NBPF20: variants seen among roughly 807,000 people sequenced by gnomAD.
The protein encoded by NBPF20 is NBPF member 20, also known as NBPF family member NBPF20.
A neutral mutation model predicts 68.1 loss-of-function variants in NBPF20; 90 were observed. That is an observed-to-expected ratio of 1.32 (90% CI 1.11 to 1.58). The LOEUF (loss-of-function observed/expected upper bound fraction) is 1.58. Ranked by LOEUF, NBPF20 falls within the 40% of genes most tolerant of loss-of-function variation. NBPF20 has a pLI of 0.00. For synonymous variants in NBPF20, 290 were observed against 228.1 expected (o/e 1.27, Z -2.45); for missense variants, 816 against 601.2 (o/e 1.36, Z -3.74).
chr1:145,394,613 A>C (rs1234321200), intron 8 of NBPF20, among the ~76,000 whole-genome samples: 4 of 152,062 alleles, frequency 2.6e-5, no homozygotes, highest in African/African-American at 9.7e-5. Flanking sequence ...AACAAAACTC[A>C]TAAGGAATTT....
intron 8 of NBPF20, among the ~76,000 whole-genome samples, chr1:145,394,597 T>G (rs1662123523): frequency 1.3e-5 from 2 of 151,932 alleles, no homozygotes; most frequent in African/African-American, 4.8e-5. Flanking sequence ...ACAGACATGC[T>G]TTGGGAACAA....
chr1:145,393,407 G>A (rs1286834733), intron 9 of NBPF20, among the ~76,000 whole-genome samples, 161 bp from the exon 15 acceptor site: 2 of 151,686 alleles, frequency 1.3e-5, no homozygotes, highest in South Asian at 2.1e-4. Flanking sequence ...ATAGACTAGG[G>A]CCAGGTAGAA....
At chr1:145,411,017 T>C in the NBPF20 span, among the ~76,000 whole-genome samples, 1 of 147,248 alleles carries the variant, frequency 6.8e-6, no homozygotes, top group Non-Finnish European at 1.5e-5. Context: ...TATTCCATTT[T>C]TTTTTCAACA....
At chr1:145,393,956 G>T (rs1448033999) in intron 8 of NBPF20, 21 bp from the exon 14 acceptor site, 1 of 1,253,504 alleles carries the variant, frequency 8.0e-7, no homozygotes, top group African/African-American at 1.5e-5. Context: ...ATTCAGATGG[G>T]CCCTCTTACA....
intron 137 of NBPF20, among the ~76,000 whole-genome samples, 195 bp downstream of exon 142, chr1:145,292,186 T>C (rs1406700576): frequency 2.7e-5 from 4 of 149,938 alleles, no homozygotes; most frequent in South Asian, 2.1e-4. Flanking sequence ...GGTCAACCTA[T>C]GGCACGTTAG....
chr1:145,417,611 C>A, the NBPF20 span, among the ~76,000 whole-genome samples: 9 of 85,494 alleles, frequency 1.1e-4, no homozygotes, highest in Non-Finnish European at 1.5e-4. Flanking sequence ...GAGAACTAAA[C>A]AACACAAAGC....
At position 145,397,587 on chromosome 1, in the gene NBPF20, G is replaced by C. The variant is rs1176786945; in HGVS notation, c.827+1462C>G. Among the ~76,000 whole-genome samples, 43 of 152,142 alleles carry C rather than the reference G, an allele frequency of 2.8e-4. 1 individual carries two copies. In the South Asian group the frequency reaches 4.8e-3, roughly 17 times the overall value. The stretch of plus-strand genomic sequence containing the variant: ...CTTACAAGAGCTCCTAAAGGAAGCA[G>C]TAAACATGGAAAGGAACAACCGGTA... On this transcript the variant is annotated intron_variant, in intron 7 of 137. Coordinates refer to ENST00000369373, the Ensembl canonical transcript of NBPF20.
At chr1:145,404,110 C>A in intron 2 of NBPF20, among the ~76,000 whole-genome samples, 1 of 139,950 alleles carries the variant, frequency 7.1e-6, no homozygotes, top group Non-Finnish European at 1.5e-5. Context: ...GCTGAGGGTC[C>A]CTGCTTTGCA....
rs1190932919 is a variant in NBPF20, at chr1:145,394,229, T to C, written c.992-294A>G. On this transcript the variant is annotated intron_variant, in intron 8 of 137. Transcript: ENST00000369373. ...TTTTCCCCAATAAATTGTAGGCAAA[T>C]AGTTCTAACACCTCATAGGAGAGAC... Among the ~76,000 whole-genome samples, 4 of 151,856 alleles carry C rather than the reference T, an allele frequency of 2.6e-5. 1 individual carries two copies.
intron 13 of NBPF20, among the ~76,000 whole-genome samples, chr1:145,390,335 C>G (rs1661943129): frequency 1.5e-5 from 1 of 64,698 alleles, no homozygotes; most frequent in Non-Finnish European, 2.6e-5. Flanking sequence ...CACACACACA[C>G]ACACACACAG....
At chr1:145,421,947 C>A in the NBPF20 span, among the ~76,000 whole-genome samples, 4 of 151,820 alleles carry the variant, frequency 2.6e-5, no homozygotes, top group African/African-American at 9.7e-5. Context: ...CTGAGGTGGG[C>A]AGACTGCTTG....
chr1:145,394,089 G>C (rs1339363617), intron 8 of NBPF20, among the ~76,000 whole-genome samples, 154 bp from the exon 14 acceptor site: 7 of 152,152 alleles, frequency 4.6e-5, no homozygotes, highest in Non-Finnish European at 7.4e-5. Context: ...CTGAGGTCAA[G>C]TCTTGAGAAA....
chr1:145,403,124 C>A (rs1662605000), intron 3 of NBPF20, 92 bp downstream of exon 8: 10 of 1,450,860 alleles, frequency 6.9e-6, no homozygotes, highest in Middle Eastern at 2.4e-4. Flanking sequence ...CTTCCCCTGG[C>A]CCAGCTTAGC....
chr1:145,399,881 A>C (rs1662432381), intron 6 of NBPF20, among the ~76,000 whole-genome samples: 1 of 150,780 alleles, frequency 6.6e-6, no homozygotes, highest in Non-Finnish European at 1.5e-5. Context: ...CTTTATGGAA[A>C]TATATCAGCA....
At chr1:145,394,802 A>G (rs1662140152) in intron 8 of NBPF20, among the ~76,000 whole-genome samples, 176 bp downstream of exon 13, 1 of 152,132 alleles carries the variant, frequency 6.6e-6, no homozygotes, top group Non-Finnish European at 1.5e-5. Context: ...TCACTGACCC[A>G]CCCCATGCCT....
At chr1:145,397,711 C>A (rs1662325533) in intron 7 of NBPF20, among the ~76,000 whole-genome samples, 1 of 152,280 alleles carries the variant, frequency 6.6e-6, no homozygotes, top group South Asian at 2.1e-4. Flanking sequence ...ATCATAACGA[C>A]AGGATCAAAT....
intron 8 of NBPF20, 110 bp from the exon 14 acceptor site, chr1:145,394,045 A>T (rs1662089056): frequency 9.3e-6 from 7 of 753,022 alleles, no homozygotes; most frequent in South Asian, 1.4e-5. Flanking sequence ...TCAGTGTGAG[A>T]ACAGGAGACT....
At position 145,394,973 on chromosome 1, in the gene NBPF20, C is replaced by T. The variant is rs1337706303; in HGVS notation, c.991+5G>A. ...GCTTTATCACCTTCACAGTGTAGTA[C>T]TCACTGCCTATGTCAACAGCCATGC... On this transcript the variant is annotated splice_donor_5th_base_variant and intron_variant, in intron 8 of 137. Coordinates refer to ENST00000369373, the Ensembl canonical transcript of NBPF20. 5.0e-6 allele frequency: 8 copies of T among 1,612,000 alleles called. No individual in the cohort carries two copies. The highest frequency in any genetic ancestry group is 6.8e-6 in the Non-Finnish European group (8 of 1,179,828).
chr1:145,424,989 C>T, the NBPF20 span, among the ~76,000 whole-genome samples: 1 of 152,168 alleles, frequency 6.6e-6, no homozygotes, highest in Non-Finnish European at 1.5e-5. Flanking sequence ...CTCTCAGGTC[C>T]CCAGAGGCAA....
Sources: gnomAD v4.1 joint callset for allele counts (sites outside exome capture counted in the v4.1 genomes callset) on GRCh38, gnomAD v4.1.1 for gene constraint, MANE v1.5 for transcripts, NCBI Gene and HGNC (gene_info 2026-07-23, HGNC 2026-07-21) for gene names.